SEL1L3: variants seen among roughly 807,000 people sequenced by gnomAD.
The protein encoded by SEL1L3 is SEL1L family member 3.
In SEL1L3, 76 loss-of-function variants were observed where a neutral mutation model predicts 142.8. The ratio of observed to expected loss-of-function variants is 0.53; its 90% CI spans 0.44 to 0.64. SEL1L3 has a LOEUF of 0.64. Among genes scored for constraint, SEL1L3 ranks in the 30% least tolerant of loss-of-function variants. The pLI is 0.00. For synonymous variants in SEL1L3, 504 were observed against 519.6 expected, an observed-to-expected ratio of 0.97 and a Z score of 0.41; for missense variants, 1,262 against 1,381.7, an observed-to-expected ratio of 0.91 and a Z score of 1.37.
Position 25,847,604 on chromosome 4 carries a change from G to A in SEL1L3, c.423C>T (p.Ser141=). The A allele has an allele frequency of 1.2e-6, 2 of 1,613,932 alleles. No homozygotes were observed. Among genetic ancestry groups the A allele is most frequent in the Non-Finnish European group, 1.7e-6 (2 of 1,179,866 alleles). ...RWKNEKHLHT[S]RTQIVHVKFP... ...ATTTCACATGTACTATTTGTGTCCT[G>A]CTGGTGTGAAGATGTTTCTCATTCT... Residue 141 remains serine (S), a synonymous_variant, in exon 2 of 24, where the codon AGC becomes AGT. Transcript: ENST00000399878.
chr4:25,746,545 A>AAT (rs372226693), downstream of SEL1L3, among the ~76,000 whole-genome samples: 721 of 123,898 alleles, frequency 5.8e-3, 2 homozygotes, highest in Middle Eastern at 8.2e-3. Context: ...TATATATTCA[A>AAT]ATGTATATAT....
intron 9 of SEL1L3, among the ~76,000 whole-genome samples, chr4:25,815,659 C>A (rs941554029): frequency 2.6e-5 from 4 of 152,012 alleles, no homozygotes; most frequent in South Asian, 4.1e-4. Flanking sequence ...GTCCAACATG[C>A]GTCTCCCTCT....
intron 1 of SEL1L3, among the ~76,000 whole-genome samples, chr4:25,856,226 T>G (rs1717242947): frequency 6.6e-6 from 1 of 152,234 alleles, no homozygotes; most frequent in African/African-American, 2.4e-5. Context: ...TTCATCCATG[T>G]TACTGTGATA....
chr4:25,835,411 C>T, intron 2 of SEL1L3, 88 bp from the exon 3 acceptor site: 1 of 1,444,538 alleles, frequency 6.9e-7, no homozygotes, highest in Non-Finnish European at 9.5e-7. Flanking sequence ...CTCTGCTGAG[C>T]TCCAATCAAA....
chr4:25,735,264 T>C, the SEL1L3 span, among the ~76,000 whole-genome samples: 3 of 151,908 alleles, frequency 2.0e-5, no homozygotes, highest in Non-Finnish European at 2.9e-5. Flanking sequence ...AGGTTGTTCC[T>C]GGACTCCTAG....
upstream of SEL1L3, chr4:25,863,322 TC>T (rs1184045265): frequency 5.3e-6 from 2 of 375,752 alleles, no homozygotes; most frequent in African/African-American, 5.1e-5. Context: ...CTCTTCCTTC[TC>T]CCCTCGCGCT....
At chr4:25,772,882 C>T (rs1719329543) in intron 17 of SEL1L3, among the ~76,000 whole-genome samples, 1 of 152,208 alleles carries the variant, frequency 6.6e-6, no homozygotes, top group African/African-American at 2.4e-5. Flanking sequence ...ACTGCAACCT[C>T]CACCTCCTGG....
At chr4:25,798,000 A>C (rs1449685434) in intron 11 of SEL1L3, among the ~76,000 whole-genome samples, 5 of 152,120 alleles carry the variant, frequency 3.3e-5, no homozygotes, top group Non-Finnish European at 5.9e-5. Flanking sequence ...TCAGAGGGGA[A>C]GTGGGAGGGG....
chr4:25,752,990 A>C (rs1346396289), intron 23 of SEL1L3, among the ~76,000 whole-genome samples: 1 of 152,242 alleles, frequency 6.6e-6, no homozygotes, highest in Non-Finnish European at 1.5e-5. Flanking sequence ...TGGATGTACT[A>C]CTATTTCTGC....
chr4:25,795,337 C>T (rs1332077542), intron 11 of SEL1L3, among the ~76,000 whole-genome samples: 2 of 152,178 alleles, frequency 1.3e-5, no homozygotes, highest in Non-Finnish European at 2.9e-5. Context: ...GTGTAAATGG[C>T]TAATTGCTGT....
At position 25,833,420 on chromosome 4, in the gene SEL1L3, C is replaced by A. The variant is rs376462053; in HGVS notation, c.982+28G>T. On this transcript the variant is annotated intron_variant, in intron 4 of 23. Coordinates refer to ENST00000399878, the MANE Select transcript of SEL1L3 (RefSeq NM_015187.5). The stretch of plus-strand genomic sequence containing the variant: ...GCAGAGCATTACAAAATTACAATAT[C>A]ATTTTAAAGGTTCTGTTTTATACTC... The A allele has an allele frequency of 1.9e-5, 30 of 1,594,532 alleles. No homozygotes were observed. In the African/African-American group the frequency reaches 2.6e-4, roughly 14 times the overall value.
intron 2 of SEL1L3, among the ~76,000 whole-genome samples, chr4:25,842,327 A>G (rs1032497267): frequency 1.3e-5 from 2 of 150,034 alleles, no homozygotes; most frequent in African/African-American, 4.9e-5. Flanking sequence ...AAATAGGGGC[A>G]TGATTTTGCC....
At chr4:25,828,257 C>T (rs1715216233) in intron 6 of SEL1L3, among the ~76,000 whole-genome samples, 1 of 152,060 alleles carries the variant, frequency 6.6e-6, no homozygotes, top group Non-Finnish European at 1.5e-5. Flanking sequence ...ATGCCCAGAG[C>T]CTAAAAGAAA....
chr4:25,724,647 G>T, the SEL1L3 span, among the ~76,000 whole-genome samples: 1 of 144,702 alleles, frequency 6.9e-6, no homozygotes, highest in Non-Finnish European at 1.5e-5. Context: ...TGAGGCAGGA[G>T]AATGGCGTGA....
chr4:25,847,552 C>A lies in SEL1L3; in HGVS notation c.475G>T (p.Asp159Tyr), dbSNP rs371269388. Residue 159 changes from aspartate to tyrosine, a missense_variant, in exon 2 of 24, where the codon GAT becomes TAT. Physicochemically the swap from Asp to Tyr is radical, Grantham distance 160. Coordinates refer to ENST00000399878, the MANE Select transcript of SEL1L3 (RefSeq NM_015187.5). ...GAGATGGAATGTCTGATGAAATAAT[C>A]ATCTCTGTAAACCATAATGCTTGGA... ...KFPSIMVYRD[D>Y]YFIRHSISVS... 5.0e-6 allele frequency: 8 copies of A among 1,613,768 alleles called. No individual in the cohort carries two copies. The highest frequency in any genetic ancestry group is 6.8e-6 in the Non-Finnish European group (8 of 1,179,832).
At chr4:25,859,445 T>C (rs1560366408) in intron 1 of SEL1L3, among the ~76,000 whole-genome samples, 1 of 152,172 alleles carries the variant, frequency 6.6e-6, no homozygotes, top group Admixed American at 6.5e-5. Flanking sequence ...GACACAGTAC[T>C]CTTTTTGAGC....
intron 15 of SEL1L3, among the ~76,000 whole-genome samples, chr4:25,781,572 T>G (rs1280261956): frequency 6.6e-6 from 1 of 152,148 alleles, no homozygotes; most frequent in African/African-American, 2.4e-5. Flanking sequence ...TTTAACGATT[T>G]TTATTATCAA....
chr4:25,725,559 C>T, the SEL1L3 span, among the ~76,000 whole-genome samples: 1 of 152,110 alleles, frequency 6.6e-6, no homozygotes, highest in Non-Finnish European at 1.5e-5. Flanking sequence ...CAAGTGATCG[C>T]CTGCCTCGGC....
chr4:25,843,160 G>T (rs1302032922), intron 2 of SEL1L3, among the ~76,000 whole-genome samples: 1 of 152,028 alleles, frequency 6.6e-6, no homozygotes, highest in Non-Finnish European at 1.5e-5. Context: ...AGGGGACAGG[G>T]ACAGATTCCC....
Sources: gnomAD v4.1 joint callset for allele counts (sites outside exome capture counted in the v4.1 genomes callset) on GRCh38, gnomAD v4.1.1 for gene constraint, MANE v1.5 for transcripts, NCBI Gene and HGNC (gene_info 2026-07-23, HGNC 2026-07-21) for gene names.